Variants in VWA3B observed in about 807,000 individuals in gnomAD.
VWA3B encodes von Willebrand factor A domain containing 3B.
In VWA3B, 138 loss-of-function variants were observed where a neutral mutation model predicts 158.3. The observed-to-expected ratio is 0.87, with a 90% CI of 0.76 to 1.00. The LOEUF (loss-of-function observed/expected upper bound fraction) is 1.00. Among genes scored for constraint, VWA3B ranks in the 50% least tolerant of loss-of-function variants. The pLI, the probability that VWA3B is intolerant of heterozygous loss-of-function variation, is 0.00. For synonymous variants in VWA3B, 596 were observed against 587.3 expected (o/e 1.01, Z -0.21); for missense variants, 1,555 against 1,565.1 (o/e 0.99, Z 0.11).
At chr2:98,173,953 C>T (rs532792720) in intron 8 of VWA3B, among the ~76,000 whole-genome samples, 7 of 147,670 alleles carry the variant, frequency 4.7e-5, no homozygotes, top group Non-Finnish European at 7.5e-5. Context: ...GGCGACAGAG[C>T]GAGACTCTGT....
At chr2:98,274,989 G>A (rs1315056221) in intron 22 of VWA3B, among the ~76,000 whole-genome samples, 1 of 152,202 alleles carries the variant, frequency 6.6e-6, no homozygotes, top group Non-Finnish European at 1.5e-5. Flanking sequence ...AGGGAGACAG[G>A]TGCACCCTGG....
intron 7 of VWA3B, among the ~76,000 whole-genome samples, chr2:98,155,960 C>T (rs2105199506): frequency 6.6e-6 from 1 of 152,258 alleles, no homozygotes; most frequent in Middle Eastern, 3.4e-3. Flanking sequence ...TAGACTAAAG[C>T]TTTGTGAACT....
At chr2:98,172,274 C>T (rs1679654435) in intron 8 of VWA3B, among the ~76,000 whole-genome samples, 1 of 152,206 alleles carries the variant, frequency 6.6e-6, no homozygotes, top group South Asian at 2.1e-4. Flanking sequence ...TGGTTTTCCC[C>T]TGGAGTCAGG....
chr2:98,099,045 C>A (rs1682908812), intron 2 of VWA3B, among the ~76,000 whole-genome samples: 1 of 151,980 alleles, frequency 6.6e-6, no homozygotes, highest in Non-Finnish European at 1.5e-5. Flanking sequence ...ATTGCACATC[C>A]CTTAGCAAAT....
chr2:98,251,580 C>T (rs1047946690), intron 20 of VWA3B, among the ~76,000 whole-genome samples: 2 of 152,132 alleles, frequency 1.3e-5, no homozygotes, highest in Non-Finnish European at 2.9e-5. Context: ...AGCCTGTCCT[C>T]GGTTCTGGGA....
At chr2:98,188,289 A>G (rs1005854744) in intron 10 of VWA3B, among the ~76,000 whole-genome samples, 160 bp downstream of exon 10, 2 of 152,188 alleles carry the variant, frequency 1.3e-5, no homozygotes, top group African/African-American at 4.8e-5. Context: ...CAATGTACAA[A>G]GATCAAATCA....
At chr2:98,252,066 G>A (rs1045059830) in intron 20 of VWA3B, among the ~76,000 whole-genome samples, 5 of 152,136 alleles carry the variant, frequency 3.3e-5, no homozygotes, top group Non-Finnish European at 5.9e-5. Flanking sequence ...TCCCCAGCTG[G>A]GTCTTTCATC....
intron 13 of VWA3B, among the ~76,000 whole-genome samples, chr2:98,215,655 C>A (rs1367822163): frequency 6.6e-6 from 1 of 151,834 alleles, no homozygotes; most frequent in East Asian, 2.0e-4. Flanking sequence ...GCAGCTGGGA[C>A]TACAGGCTCA....
chr2:98,227,305 A>C (rs932603276), intron 14 of VWA3B, among the ~76,000 whole-genome samples: 3 of 152,214 alleles, frequency 2.0e-5, no homozygotes, highest in Admixed American at 1.3e-4. Flanking sequence ...ATTGCTATAA[A>C]GAGAATAAAA....
intron 21 of VWA3B, among the ~76,000 whole-genome samples, chr2:98,268,205 T>C (rs996775797): frequency 2.6e-5 from 4 of 151,288 alleles, no homozygotes; most frequent in African/African-American, 7.3e-5. Context: ...CCAGCATCAT[T>C]CTGATACCAA....
At chr2:98,222,048 G>A (rs573473866) in intron 14 of VWA3B, among the ~76,000 whole-genome samples, 22 of 152,130 alleles carry the variant, frequency 1.4e-4, no homozygotes, top group Non-Finnish European at 3.1e-4. Flanking sequence ...GAGACCAAAG[G>A]AGAAAGTGTG....
At chr2:98,236,830 T>C (rs987039940) in intron 19 of VWA3B, 100 bp downstream of exon 19, 5 of 1,459,346 alleles carry the variant, frequency 3.4e-6, no homozygotes, top group Non-Finnish European at 4.6e-6. Context: ...AGAAATGTAT[T>C]TTAGCCACTG....
intron 12 of VWA3B, among the ~76,000 whole-genome samples, chr2:98,211,060 C>G (rs1376746452): frequency 6.6e-6 from 1 of 152,200 alleles, no homozygotes; most frequent in Admixed American, 6.5e-5. Context: ...GGGGCCCCCA[C>G]CAGGCAGCCC....
chr2:98,109,805 T>C (rs1418753256), intron 2 of VWA3B, among the ~76,000 whole-genome samples: 1 of 151,924 alleles, frequency 6.6e-6, no homozygotes, highest in Non-Finnish European at 1.5e-5. Flanking sequence ...TTTTTTTTTT[T>C]TTAGCACTTA....
At chr2:98,229,984 C>A (rs1200086206) in intron 15 of VWA3B, 66 bp from the exon 16 acceptor site, 2 of 1,495,082 alleles carry the variant, frequency 1.3e-6, no homozygotes, top group African/African-American at 1.4e-5. Flanking sequence ...CTTAACTCTG[C>A]CTTCTTGATG....
chr2:98,302,941 G>T (rs920545982), intron 25 of VWA3B, among the ~76,000 whole-genome samples: 4 of 152,220 alleles, frequency 2.6e-5, no homozygotes, highest in African/African-American at 7.2e-5. Flanking sequence ...CGGAGAAGGA[G>T]TTGTCTGCTC....
At chr2:98,097,363 C>A (rs374495307) in intron 2 of VWA3B, among the ~76,000 whole-genome samples, 4 of 152,160 alleles carry the variant, frequency 2.6e-5, no homozygotes, top group African/African-American at 9.7e-5. Context: ...ATTTAGTTTT[C>A]CATTCCTGAG....
chr2:98,320,735 T>C, the VWA3B span, among the ~76,000 whole-genome samples: 2 of 152,152 alleles, frequency 1.3e-5, no homozygotes, highest in Non-Finnish European at 1.5e-5. Context: ...GTGGAAGAAA[T>C]TTCTAAGCAG....
chr2:98,244,882 T>C (rs975581377), intron 19 of VWA3B, among the ~76,000 whole-genome samples: 6 of 152,002 alleles, frequency 3.9e-5, no homozygotes, highest in Non-Finnish European at 8.8e-5. Flanking sequence ...GTATTTCATC[T>C]CACAGTGGGG....
Sources: allele counts gnomAD v4.1 joint callset (sites outside exome capture counted in the v4.1 genomes callset), GRCh38; gene constraint gnomAD v4.1.1; transcripts MANE v1.5; gene names NCBI Gene and HGNC (gene_info 2026-07-23, HGNC 2026-07-21).